The following ZNF503 variants were observed in gnomAD, a reference collection of about 807,000 sequenced individuals.
The protein encoded by ZNF503 is NocA-like zinc finger 2.
A neutral mutation model predicts 34.4 loss-of-function variants in ZNF503; 15 were observed. That is an observed-to-expected ratio of 0.44 (90% CI 0.29 to 0.67). The LOEUF is 0.67. Ranked by LOEUF, ZNF503 falls within the 30% of genes least tolerant of loss-of-function variation. The probability of loss-of-function intolerance (pLI) is 0.13; values close to 1 mark genes in which losing one functional copy is unlikely to be tolerated. For synonymous variants in ZNF503, 580 were observed against 456.8 expected (o/e 1.27, Z -3.44); for missense variants, 1,007 against 926.8 (o/e 1.09, Z -1.12).
At chr10:75,350,297 T>A in the ZNF503 span, 1 of 152,176 alleles carries the variant, frequency 6.6e-6, no homozygotes. Context: ...AGGGTCTATA[T>A]AATTTATCAC....
chr10:75,335,345 A>G, the ZNF503 span, among the ~76,000 whole-genome samples: 7 of 152,196 alleles, frequency 4.6e-5, no homozygotes, highest in African/African-American at 1.7e-4. Context: ...TCAGTGACAC[A>G]TCCTTAATAG....
rs767985176 is a variant in ZNF503 at position 75,399,951 on chromosome 10, C to A, written c.739G>T (p.Gly247Cys). Residue 247 changes from glycine to cysteine, a missense_variant, in exon 2 of 2, where the codon GGT (glycine) becomes TGT (cysteine). Physicochemically the swap from Gly to Cys is radical, Grantham distance 159 (BLOSUM62 -3). Transcript: ENST00000372524. ...SPGGMLSSAG[G>C]APEGKDDKKD... is the part of the protein sequence containing the mutation. ...TTGTCGTCCTTGCCCTCCGGGGCACCCCCGGCCGAGGACAGCATACCTCCC... is the reference window on the plus strand; with the variant it reads ...TTGTCGTCCTTGCCCTCCGGGGCACACCCGGCCGAGGACAGCATACCTCCC... The A allele has an allele frequency of 6.2e-7, 1 of 1,606,294 alleles. No homozygotes were observed. The highest frequency in any genetic ancestry group is 1.7e-5 in the Admixed American group (1 of 59,904).
the ZNF503 span, among the ~76,000 whole-genome samples, chr10:75,322,900 G>T: frequency 6.6e-6 from 1 of 152,054 alleles, no homozygotes; most frequent in Admixed American, 6.6e-5. Flanking sequence ...ATTTCATTTT[G>T]AGTTTTCCCC....
At chr10:75,301,801 G>A in the ZNF503 span, among the ~76,000 whole-genome samples, 7 of 151,562 alleles carry the variant, frequency 4.6e-5, no homozygotes, top group Admixed American at 4.6e-4. Flanking sequence ...CTATACTGTT[G>A]TCATTTATAT....
At chr10:75,353,596 T>A in the ZNF503 span, among the ~76,000 whole-genome samples, 1 of 152,106 alleles carries the variant, frequency 6.6e-6, no homozygotes, top group Non-Finnish European at 1.5e-5. Flanking sequence ...CAGGGCTCGG[T>A]AGAACCACCC....
At chr10:75,386,803 A>T in the ZNF503 span, among the ~76,000 whole-genome samples, 1 of 152,100 alleles carries the variant, frequency 6.6e-6, no homozygotes. Flanking sequence ...TAGCCATCAA[A>T]TGCCTATTCA....
the ZNF503 span, among the ~76,000 whole-genome samples, chr10:75,353,734 A>G: frequency 6.6e-6 from 1 of 152,248 alleles, no homozygotes; most frequent in African/African-American, 2.4e-5. Context: ...ACACCTGTCC[A>G]TCCTCACTTC....
At chr10:75,390,141 C>A in the ZNF503 span, among the ~76,000 whole-genome samples, 1 of 152,020 alleles carries the variant, frequency 6.6e-6, no homozygotes, top group Non-Finnish European at 1.5e-5. Flanking sequence ...TCGTGATCCG[C>A]CTGCCTCAGC....
the ZNF503 span, among the ~76,000 whole-genome samples, chr10:75,296,160 T>TTCCCTGAGAC: frequency 6.6e-6 from 1 of 152,218 alleles, no homozygotes; most frequent in Admixed American, 6.5e-5. Context: ...TGTTTGACCC[T>TTCCCTGAGAC]CTTGTCTCAG....
At chr10:75,342,968 G>A in the ZNF503 span, among the ~76,000 whole-genome samples, 1 of 152,210 alleles carries the variant, frequency 6.6e-6, no homozygotes, top group Non-Finnish European at 1.5e-5. Flanking sequence ...AAGGGAAATA[G>A]AGAATCTGAT....
rs199943386 is a variant in ZNF503 at position 75,401,065 on chromosome 10, G to C, written c.315+40C>G. The C allele has an allele frequency of 6.2e-6, 10 of 1,613,046 alleles. No homozygotes were observed. In the East Asian group the frequency reaches 2.0e-4, roughly 32 times the overall value. On this transcript the variant is annotated intron_variant, in intron 1 of 1. Transcript: ENST00000372524. ...AAAGAAAGCCCTAGGGTGGCAGCCAGGGTAGTGGTCCCAGTGCGATCCAGA... is the reference window on the plus strand; with the variant it reads ...AAAGAAAGCCCTAGGGTGGCAGCCACGGTAGTGGTCCCAGTGCGATCCAGA...
chr10:75,321,012 G>T, the ZNF503 span, among the ~76,000 whole-genome samples: 4 of 152,256 alleles, frequency 2.6e-5, no homozygotes, highest in East Asian at 7.7e-4. Flanking sequence ...CTGGTGGGAG[G>T]CAATTGGATG....
At chr10:75,397,528 G>A (rs894113886), downstream of ZNF503, among the ~76,000 whole-genome samples, 7 of 152,026 alleles carry the variant, frequency 4.6e-5, no homozygotes, top group Non-Finnish European at 1.0e-4. Flanking sequence ...CCTGTCCCCC[G>A]CCCCACACCC....
chr10:75,363,321 G>A, the ZNF503 span, among the ~76,000 whole-genome samples: 5 of 152,114 alleles, frequency 3.3e-5, no homozygotes, highest in Non-Finnish European at 7.3e-5. Flanking sequence ...AGCAGTCCCT[G>A]TGGCCAGGCC....
the ZNF503 span, among the ~76,000 whole-genome samples, chr10:75,344,108 C>T: frequency 1.3e-5 from 2 of 152,206 alleles, no homozygotes; most frequent in Non-Finnish European, 2.9e-5. Flanking sequence ...CATTAATCAC[C>T]GAAGGAGAAA....
At chr10:75,330,501 G>A in the ZNF503 span, among the ~76,000 whole-genome samples, 1 of 152,072 alleles carries the variant, frequency 6.6e-6, no homozygotes, top group Admixed American at 6.6e-5. Flanking sequence ...TTGATGGGAG[G>A]CTTTTATTAC....
chr10:75,328,146 G>A, the ZNF503 span, among the ~76,000 whole-genome samples: 2 of 152,066 alleles, frequency 1.3e-5, no homozygotes, highest in Non-Finnish European at 2.9e-5. Context: ...TTATGCTTTT[G>A]AGGTCTTCTC....
At chr10:75,283,331 G>C in the ZNF503 span, 1 of 152,334 alleles carries the variant, frequency 6.6e-6, no homozygotes, top group African/African-American at 2.4e-5. Flanking sequence ...CCTCCAAGGC[G>C]TGCGCACATT....
chr10:75,360,860 T>C, the ZNF503 span: 1 of 152,256 alleles, frequency 6.6e-6, no homozygotes, highest in African/African-American at 2.4e-5. Flanking sequence ...ATCTTAGTTG[T>C]GTTCAACCAT....
Sources: allele counts gnomAD v4.1 joint callset (sites outside exome capture counted in the v4.1 genomes callset), GRCh38; gene constraint gnomAD v4.1.1; transcripts MANE v1.5; gene names NCBI Gene and HGNC (gene_info 2026-07-23, HGNC 2026-07-21).